Variants in TLR5 observed in about 807,000 individuals in gnomAD.
The protein encoded by TLR5 is toll like receptor 5.
For synonymous variants in TLR5, 373 were observed against 384.4 expected (o/e 0.97, Z 0.35); for missense variants, 944 against 999.8 (o/e 0.94, Z 0.75).
At chr1:223,137,950 A>T (rs1265046405) in intron 2 of TLR5, among the ~76,000 whole-genome samples, 17 of 84,534 alleles carry the variant, frequency 2.0e-4, no homozygotes, top group South Asian at 5.0e-4. Context: ...GGCTTTTTAA[A>T]TTTTTTTTTT....
At chr1:223,133,149 T>C (rs972353970) in intron 4 of TLR5, among the ~76,000 whole-genome samples, 1 of 152,146 alleles carries the variant, frequency 6.6e-6, no homozygotes, top group Non-Finnish European at 1.5e-5. Flanking sequence ...GGATTTCGGG[T>C]TTCGGGTGAA....
chr1:223,126,567 G>T (rs1657175326), intron 5 of TLR5, among the ~76,000 whole-genome samples: 1 of 152,062 alleles, frequency 6.6e-6, no homozygotes, highest in Non-Finnish European at 1.5e-5. Context: ...ACCCAAACTG[G>T]ACTTCTCAAT....
rs1438943716 is a variant in TLR5 at position 223,110,242 on chromosome 1, G to A, written c.*213C>T. The A allele has an allele frequency of 1.7e-6, 1 of 595,134 alleles. No homozygotes were observed. Among genetic ancestry groups the A allele is most frequent in the African/African-American group, 1.9e-5 (1 of 53,634 alleles). The allele number at this position is 595,134 out of a possible 1,614,324, so 36.9% of individuals were successfully genotyped here. A position where few individuals can be genotyped will look rare whatever the true frequency, so the allele number is the denominator to read the frequency against. ...TCAATGGAGACTGGAAACCTCTAAG[G>A]GCAGTTGCAATTTTCTAGATCTATT... is the stretch of plus-strand genomic sequence containing the variant. On this transcript the variant is annotated 3_prime_UTR_variant, in exon 6 of 6. Coordinates refer to ENST00000642603, the MANE Select transcript of TLR5 (RefSeq NM_003268.6).
intron 5 of TLR5, among the ~76,000 whole-genome samples, chr1:223,116,396 G>C (rs1259022358): frequency 6.6e-6 from 1 of 152,116 alleles, no homozygotes; most frequent in Admixed American, 6.6e-5. Flanking sequence ...GGCGCGTCTG[G>C]AGTTGTTCAT....
At position 223,112,584 on chromosome 1, in the gene TLR5, A is replaced by G; in HGVS notation, c.448T>C (p.Leu150=). The G allele has an allele frequency of 1.9e-6, 3 of 1,614,262 alleles. No individual in the cohort carries two copies. The highest frequency in any genetic ancestry group is 2.5e-6 in the Non-Finnish European group (3 of 1,180,044). ...YFRNLKALTR[L]DLSKNQIRSL... ...CGAATCTGATTTTTGGATAGATCCA[A>G]GCGAGTTAAAGCCTTTAAATTTCTG... is the stretch of plus-strand genomic sequence containing the variant. Residue 150 remains leucine (L), a synonymous_variant, in exon 6 of 6, where the codon TTG becomes CTG. Coordinates refer to ENST00000642603, the MANE Select transcript of TLR5 (RefSeq NM_003268.6).
chr1:223,121,581 C>G (rs143508207), intron 5 of TLR5, among the ~76,000 whole-genome samples: 2 of 152,156 alleles, frequency 1.3e-5, no homozygotes, highest in Non-Finnish European at 2.9e-5. Context: ...TGCAGTGGTG[C>G]GATTACAGCT....
chr1:223,112,131 AGAC>A lies in TLR5; in HGVS notation c.898_900del (p.Val300del), dbSNP rs757934697. 6.2e-7 allele frequency: 1 copy of A among 1,614,126 alleles called. No homozygotes were observed. Among genetic ancestry groups the A allele is most frequent in the East Asian group, 2.2e-5 (1 of 44,898 alleles). On this transcript the variant is annotated inframe_deletion, in exon 6 of 6. Coordinates refer to ENST00000642603, the MANE Select transcript of TLR5 (RefSeq NM_003268.6). ...TCAAAGACTCGTGAGTTCAGGGAGA[AGAC>A]AAACCCATGTGAAAGATCCAGGTGT... is the stretch of plus-strand genomic sequence containing the variant.
intron 5 of TLR5, chr1:223,127,441 A>C (rs1657214258): frequency 1.3e-5 from 2 of 152,226 alleles, no homozygotes; most frequent in African/African-American, 4.8e-5. Context: ...AGCCTTGGAT[A>C]AAGGCTCGAG....
chr1:223,110,678 C>T lies in TLR5; in HGVS notation c.2354G>A (p.Ser785Asn), dbSNP rs367917275. 8 of 1,614,052 alleles carry T rather than the reference C, an allele frequency of 5.0e-6. No individual in the cohort carries two copies. In the African/African-American group the frequency reaches 9.3e-5, roughly 19 times the overall value. ...AQGRCLSDLN[S>N]ALIMVVVGSL... ...CCCAACCACCACCATGATGAGAGCA[C>T]TGTTAAGGTCAGATAAGCACCTGCC... is the stretch of plus-strand genomic sequence containing the variant. Residue 785 changes from serine (S) to asparagine (N), a missense_variant, in exon 6 of 6, where the codon AGT becomes AAT. Transcript: ENST00000642603.
chr1:223,133,848 G>A (rs895024025), intron 4 of TLR5, among the ~76,000 whole-genome samples: 6 of 152,176 alleles, frequency 3.9e-5, no homozygotes, highest in African/African-American at 1.4e-4. Flanking sequence ...CCAGCAGAGG[G>A]CGCAAAAGGG....
At chr1:223,122,028 G>T (rs1656974076) in intron 5 of TLR5, among the ~76,000 whole-genome samples, 1 of 152,174 alleles carries the variant, frequency 6.6e-6, no homozygotes, top group Admixed American at 6.5e-5. Flanking sequence ...AAAGAAAATA[G>T]AAACCAATCA....
intron 2 of TLR5, among the ~76,000 whole-genome samples, chr1:223,137,927 C>T (rs1308597289): frequency 1.3e-5 from 2 of 149,060 alleles, no homozygotes; most frequent in African/African-American, 5.0e-5. Flanking sequence ...CTCTCTTTAA[C>T]CTCCTCAGGT....
At position 223,137,278 on chromosome 1, in the gene TLR5, A is replaced by C. The variant is rs1657651032; in HGVS notation, c.-438-15T>G. On this transcript the variant is annotated splice_polypyrimidine_tract_variant and intron_variant, in intron 2 of 5. Coordinates refer to ENST00000642603, the MANE Select transcript of TLR5 (RefSeq NM_003268.6). ...TGAACATCAATCTATGGTAAAATACAAACTTACTTATCTTGAATTTAGCAT... is the reference window on the plus strand; with the variant it reads ...TGAACATCAATCTATGGTAAAATACCAACTTACTTATCTTGAATTTAGCAT... 1.3e-5 allele frequency: 2 copies of C among 152,214 alleles called. No homozygotes were observed. The highest frequency in any genetic ancestry group is 4.1e-4 in the South Asian group (2 of 4,830). 9.4% of individuals were successfully genotyped at this position (152,214 alleles called of 1,614,324 possible).
rs746250566 is a variant in TLR5, at chr1:223,112,143, G to A, written c.889C>T (p.His297Tyr). 18 of 1,614,116 alleles carry A rather than the reference G, an allele frequency of 1.1e-5. No homozygotes were observed. Among genetic ancestry groups the A allele is most frequent in the Non-Finnish European group, 8.5e-6 (10 of 1,180,042 alleles). Reference protein sequence around the residue: ...RSSVRHLDLSHGFVFSLNSRV... With the variant: ...RSSVRHLDLSYGFVFSLNSRV... ...GAGTTCAGGGAGAAGACAAACCCAT[G>A]TGAAAGATCCAGGTGTCTCACTGAA... Residue 297 changes from histidine to tyrosine, a missense_variant, in exon 6 of 6, where the codon CAT becomes TAT. Transcript: ENST00000642603.
chr1:223,128,818 C>G (rs551750074), intron 5 of TLR5: 64 of 152,280 alleles, frequency 4.2e-4, no homozygotes, highest in African/African-American at 1.5e-3. Flanking sequence ...GATGGCCTGT[C>G]GAGTCTTCAT....
chr1:223,116,711 C>T (rs1656673707), intron 5 of TLR5, among the ~76,000 whole-genome samples: 2 of 152,092 alleles, frequency 1.3e-5, no homozygotes, highest in African/African-American at 4.8e-5. Context: ...TTACAAAGAG[C>T]TGATTGGTCC....
chr1:223,125,088 T>G (rs1457635677), intron 5 of TLR5, among the ~76,000 whole-genome samples: 1 of 152,212 alleles, frequency 6.6e-6, no homozygotes, highest in Non-Finnish European at 1.5e-5. Flanking sequence ...TGCCTTTACA[T>G]GCAAGAAATT....
At position 223,111,746 on chromosome 1, in the gene TLR5, T is replaced by A. The variant is rs778720602; in HGVS notation, c.1286A>T (p.His429Leu). 11 of 1,614,012 alleles carry A rather than the reference T, an allele frequency of 6.8e-6. No homozygotes were observed. The South Asian group carries it at 8.8e-5, about 13-fold the overall frequency. The change falls in exon 6 of 6, where the codon CAC becomes CTC. Residue 429 changes from histidine to leucine, a missense_variant. Physicochemically the swap from His to Leu is moderately conservative, Grantham distance 99 (BLOSUM62 -3). Transcript: ENST00000642603. ...PKINLTANLIHLSENRLENLD... is the reference protein window; with the variant it reads ...PKINLTANLILLSENRLENLD... ...ATTTTCTAGCCTGTTTTCTGATAAG[T>A]GGATGAGGTTCGCTGTAAGGTTGAT...
intron 5 of TLR5, among the ~76,000 whole-genome samples, chr1:223,124,695 C>G (rs1027709849): frequency 5.3e-5 from 8 of 152,176 alleles, no homozygotes; most frequent in African/African-American, 1.9e-4. Flanking sequence ...CCTCCACTTC[C>G]CAGGCTCATG....
Sources: gnomAD v4.1 joint callset for allele counts (sites outside exome capture counted in the v4.1 genomes callset) on GRCh38, gnomAD v4.1.1 for gene constraint, MANE v1.5 for transcripts, NCBI Gene and HGNC (gene_info 2026-07-23, HGNC 2026-07-21) for gene names.